Variants in SGCZ observed in about 807,000 individuals in gnomAD.
SGCZ encodes zeta-sarcoglycan.
SGCZ carries 40 observed loss-of-function variants against 41.3 expected under a neutral mutation model. That is an observed-to-expected ratio of 0.97 (90% CI 0.75 to 1.26). The LOEUF is 1.26. SGCZ is among the 50% of genes most tolerant of loss of function. The pLI is 0.00. For synonymous variants in SGCZ, 206 were observed against 137.5 expected, an observed-to-expected ratio of 1.50 and a Z score of -3.49; for missense variants, 552 against 369.8, an observed-to-expected ratio of 1.49 and a Z score of -4.04.
intron 1 of SGCZ, among the ~76,000 whole-genome samples, chr8:14,689,547 A>C (rs1808730259): frequency 6.6e-6 from 1 of 152,196 alleles, no homozygotes; most frequent in Non-Finnish European, 1.5e-5. Flanking sequence ...TAGCACACTA[A>C]GGGCTTTTGT....
At chr8:14,772,060 A>C (rs976628438) in intron 1 of SGCZ, among the ~76,000 whole-genome samples, 1 of 152,164 alleles carries the variant, frequency 6.6e-6, no homozygotes, top group African/African-American at 2.4e-5. Flanking sequence ...TTGAGCATCC[A>C]TAGAACCATT....
chr8:14,423,531 C>T (rs1383758657), intron 2 of SGCZ, among the ~76,000 whole-genome samples: 2 of 152,080 alleles, frequency 1.3e-5, no homozygotes, highest in African/African-American at 2.4e-5. Context: ...ATTCTCCTGC[C>T]TCAGCCTCCC....
At chr8:14,827,488 T>C (rs1281212457) in intron 1 of SGCZ, among the ~76,000 whole-genome samples, 2 of 152,128 alleles carry the variant, frequency 1.3e-5, no homozygotes, top group Admixed American at 1.3e-4. Flanking sequence ...GCACCCGCCT[T>C]GGCCTCCCAA....
chr8:14,459,792 A>T (rs183361838), intron 2 of SGCZ, among the ~76,000 whole-genome samples: 2 of 152,352 alleles, frequency 1.3e-5, no homozygotes, highest in Admixed American at 6.5e-5. Context: ...AACCATAAGT[A>T]AATAAATAAA....
chr8:15,010,281 G>A (rs1802778826), intron 1 of SGCZ, among the ~76,000 whole-genome samples: 1 of 152,096 alleles, frequency 6.6e-6, no homozygotes, highest in Non-Finnish European at 1.5e-5. Flanking sequence ...TATGTTTTAT[G>A]TATTGATGAA....
chr8:14,234,369 G>C (rs546142103), intron 4 of SGCZ, among the ~76,000 whole-genome samples: 1 of 152,064 alleles, frequency 6.6e-6, no homozygotes, highest in East Asian at 1.9e-4. Flanking sequence ...GAAAAAGGTG[G>C]GGTACAAGAG....
intron 1 of SGCZ, among the ~76,000 whole-genome samples, chr8:15,163,595 G>A (rs1000377732): frequency 6.6e-6 from 1 of 152,128 alleles, no homozygotes; most frequent in Non-Finnish European, 1.5e-5. Context: ...GAAAAAGTCT[G>A]ATAGCTATTG....
chr8:14,193,457 C>T (rs1421287700), intron 4 of SGCZ, among the ~76,000 whole-genome samples: 1 of 151,780 alleles, frequency 6.6e-6, no homozygotes, highest in Non-Finnish European at 1.5e-5. Flanking sequence ...TTAATCATAC[C>T]TTTCAATATA....
intron 2 of SGCZ, among the ~76,000 whole-genome samples, chr8:14,488,968 C>G (rs536058471): frequency 7.1e-6 from 1 of 141,436 alleles, no homozygotes; most frequent in Non-Finnish European, 1.5e-5. Flanking sequence ...AATTCATCAA[C>G]CAATTATATA....
intron 1 of SGCZ, among the ~76,000 whole-genome samples, chr8:14,702,824 GATAGAT>G (rs1809193817): frequency 4.0e-5 from 1 of 25,202 alleles, no homozygotes; most frequent in East Asian, 7.7e-4. Context: ...TAGATAGATA[GATAGAT>G]AGATAGATAG....
intron 1 of SGCZ, among the ~76,000 whole-genome samples, chr8:15,107,776 T>C (rs931375058): frequency 1.3e-5 from 2 of 152,222 alleles, no homozygotes; most frequent in Admixed American, 1.3e-4. Flanking sequence ...CTGAAATCAT[T>C]GGCCTAGCAC....
At chr8:14,554,572 C>T (rs528884864) in intron 2 of SGCZ, among the ~76,000 whole-genome samples, 160 bp downstream of exon 2, 2 of 152,050 alleles carry the variant, frequency 1.3e-5, no homozygotes, top group Non-Finnish European at 2.9e-5. Context: ...ACTGAACCTA[C>T]TGAATGTATT....
intron 2 of SGCZ, among the ~76,000 whole-genome samples, chr8:14,426,243 G>A (rs1381155495): frequency 6.6e-6 from 1 of 152,084 alleles, no homozygotes; most frequent in Non-Finnish European, 1.5e-5. Context: ...AAAATTTGTG[G>A]TACATCAGAT....
chr8:14,284,952 T>C (rs1343057678), intron 3 of SGCZ, among the ~76,000 whole-genome samples: 2 of 152,176 alleles, frequency 1.3e-5, no homozygotes, highest in Non-Finnish European at 2.9e-5. Flanking sequence ...TAATTCTATG[T>C]TGGGCATTTT....
intron 1 of SGCZ, among the ~76,000 whole-genome samples, chr8:14,696,432 G>C (rs527821056): frequency 6.6e-6 from 1 of 152,164 alleles, no homozygotes; most frequent in South Asian, 2.1e-4. Flanking sequence ...TAGCCTCCCT[G>C]AGCTTAAAGA....
At chr8:14,828,111 CA>C (rs1201812110) in intron 1 of SGCZ, among the ~76,000 whole-genome samples, 2 of 152,050 alleles carry the variant, frequency 1.3e-5, no homozygotes, top group African/African-American at 4.8e-5. Context: ...GAAATTGCAG[CA>C]AGAACAAATA....
chr8:14,587,839 A>T (rs1339477487), intron 1 of SGCZ, among the ~76,000 whole-genome samples: 1 of 152,156 alleles, frequency 6.6e-6, no homozygotes, highest in East Asian at 1.9e-4. Context: ...TTCAGCAAAT[A>T]GTTTTGCTAT....
At chr8:14,451,505 G>T (rs889485610) in intron 2 of SGCZ, among the ~76,000 whole-genome samples, 2 of 152,086 alleles carry the variant, frequency 1.3e-5, no homozygotes, top group African/African-American at 2.4e-5. Flanking sequence ...AATAATGATG[G>T]CCTGTTCTTT....
At chr8:14,822,972 G>A (rs1802161230) in intron 1 of SGCZ, among the ~76,000 whole-genome samples, 1 of 150,424 alleles carries the variant, frequency 6.6e-6, no homozygotes, top group East Asian at 2.0e-4. Context: ...GAGAATTGCT[G>A]GAGCCTGGGA....
Sources: allele counts gnomAD v4.1 joint callset (sites outside exome capture counted in the v4.1 genomes callset), GRCh38; gene constraint gnomAD v4.1.1; transcripts MANE v1.5; gene names NCBI Gene and HGNC (gene_info 2026-07-23, HGNC 2026-07-21).